MACROD2: variants seen among roughly 807,000 people sequenced by gnomAD.
The protein encoded by MACROD2 is ADP-ribose glycohydrolase MACROD2.
MACROD2 carries 36 observed loss-of-function variants against 70.4 expected under a neutral mutation model. That is an observed-to-expected ratio of 0.51 (90% confidence interval 0.39 to 0.68). MACROD2 has a LOEUF of 0.68. Ranked by LOEUF, MACROD2 falls within the 30% of genes least tolerant of loss-of-function variation. The pLI, the probability that MACROD2 is intolerant of heterozygous loss-of-function variation, is 0.00. For synonymous variants in MACROD2, 172 were observed against 178.8 expected (o/e 0.96, Z 0.30); for missense variants, 496 against 538.4 (o/e 0.92, Z 0.78).
In MACROD2 at chr20:16,044,565, T is replaced by C. The variant is rs771636560; in HGVS notation, c.1232-6T>C. 6.2e-7 allele frequency: 1 copy of C among 1,607,456 alleles called. No homozygotes were observed. The highest frequency in any genetic ancestry group is 8.5e-7 in the Non-Finnish European group (1 of 1,176,750). On this transcript the variant is annotated splice_polypyrimidine_tract_variant and splice_region_variant and intron_variant, in intron 16 of 17. Transcript: ENST00000684519. The stretch of plus-strand genomic sequence containing the variant: ...TATTTAACTTTTTTTTTTTTTCTGG[T>C]GACAGTTGAAATGAATAGTCAGGTT...
chr20:14,137,950 G>A (rs1028051654), intron 3 of MACROD2, among the ~76,000 whole-genome samples: 2 of 152,138 alleles, frequency 1.3e-5, no homozygotes, highest in African/African-American at 2.4e-5. Flanking sequence ...GATGGGCAAA[G>A]GACCTGAATA....
intron 5 of MACROD2, among the ~76,000 whole-genome samples, chr20:15,051,574 T>C (rs920187095): frequency 6.6e-6 from 1 of 152,050 alleles, no homozygotes; most frequent in Non-Finnish European, 1.5e-5. Flanking sequence ...TTCAGCTGAG[T>C]AGATGAGGCC....
intron 5 of MACROD2, among the ~76,000 whole-genome samples, chr20:15,202,724 A>G (rs1026125138): frequency 2.0e-5 from 3 of 152,192 alleles, no homozygotes; most frequent in African/African-American, 4.8e-5. Flanking sequence ...AAAACTTCCT[A>G]TAATTTGAAA....
intron 8 of MACROD2, among the ~76,000 whole-genome samples, chr20:15,536,797 T>G (rs2047880903): frequency 6.6e-6 from 1 of 152,196 alleles, no homozygotes; most frequent in South Asian, 2.1e-4. Context: ...AAGATATACT[T>G]CTCTTTTTAG....
At chr20:15,625,903 CAAAAA>C (rs11290779) in intron 8 of MACROD2, among the ~76,000 whole-genome samples, 3 of 75,644 alleles carry the variant, frequency 4.0e-5, no homozygotes, top group Admixed American at 1.7e-4. Context: ...TCCTTGGCCA[CAAAAA>C]AAAAAAAAAA....
chr20:14,701,158 T>C (rs1458747070), intron 5 of MACROD2, among the ~76,000 whole-genome samples: 2 of 152,122 alleles, frequency 1.3e-5, no homozygotes, highest in Non-Finnish European at 2.9e-5. Context: ...CAGAAATGAC[T>C]CAAAAGTGAT....
intron 3 of MACROD2, among the ~76,000 whole-genome samples, chr20:14,353,981 C>G (rs1050708740): frequency 9.2e-5 from 14 of 152,116 alleles, no homozygotes; most frequent in African/African-American, 3.4e-4. Flanking sequence ...GTCAAGTCGG[C>G]AATCTGCAGT....
At chr20:14,549,248 G>A (rs1978492737) in intron 4 of MACROD2, among the ~76,000 whole-genome samples, 1 of 152,102 alleles carries the variant, frequency 6.6e-6, no homozygotes, top group Admixed American at 6.5e-5. Context: ...ATATTTGGGG[G>A]GAGAGGAGGA....
At chr20:15,585,202 C>CTT (rs397865605) in intron 8 of MACROD2, among the ~76,000 whole-genome samples, 87 of 139,548 alleles carry the variant, frequency 6.2e-4, no homozygotes, top group Non-Finnish European at 6.8e-4. Flanking sequence ...TCTTTTTTTT[C>CTT]TTTTTTTTTT....
At chr20:14,004,414 G>A (rs775631249) in intron 2 of MACROD2, among the ~76,000 whole-genome samples, 2 of 152,164 alleles carry the variant, frequency 1.3e-5, no homozygotes, top group African/African-American at 2.4e-5. Context: ...GGGGAACAAG[G>A]TGATGTGATC....
At chr20:15,223,248 G>A (rs906985350) in intron 5 of MACROD2, among the ~76,000 whole-genome samples, 2 of 152,224 alleles carry the variant, frequency 1.3e-5, no homozygotes, top group Non-Finnish European at 2.9e-5. Flanking sequence ...CTGATTAAAT[G>A]TACAAATCGC....
Position 14,855,475 on chromosome 20 carries a change from A to G in MACROD2, c.418+170516A>G, listed in dbSNP as rs74832007. ...TTATCTCTGATCTGACAGCATCATA[A>G]TTTTCCACTGAATCTGTCCAAACAG... On this transcript the variant is annotated intron_variant, in intron 5 of 17. Transcript: ENST00000684519. 4.2e-3 allele frequency among the ~76,000 whole-genome samples: 641 copies of G among 152,156 alleles called. 9 individuals carry two copies. Among genetic ancestry groups the G allele is most frequent in the African/African-American group, 0.014 (597 of 41,506 alleles).
intron 5 of MACROD2, among the ~76,000 whole-genome samples, chr20:14,814,095 C>A (rs2072746375): frequency 6.6e-6 from 1 of 152,118 alleles, no homozygotes; most frequent in Non-Finnish European, 1.5e-5. Context: ...GTATACATCA[C>A]AATATCATAT....
At chr20:14,762,280 C>T (rs1363952895) in intron 5 of MACROD2, among the ~76,000 whole-genome samples, 1 of 152,106 alleles carries the variant, frequency 6.6e-6, no homozygotes, top group Non-Finnish European at 1.5e-5. Context: ...TCGAACTTAT[C>T]TCCTCTCAAG....
At chr20:15,353,115 A>G (rs1374661446) in intron 6 of MACROD2, among the ~76,000 whole-genome samples, 1 of 151,874 alleles carries the variant, frequency 6.6e-6, no homozygotes, top group Non-Finnish European at 1.5e-5. Flanking sequence ...CTACAAGGCT[A>G]CAGTAACCAA....
chr20:15,971,703 A>C (rs2066233374), intron 13 of MACROD2, among the ~76,000 whole-genome samples: 1 of 152,132 alleles, frequency 6.6e-6, no homozygotes, highest in African/African-American at 2.4e-5. Flanking sequence ...GACTCAGAGA[A>C]CAGACACTAA....
At chr20:14,205,326 A>AGG (rs2081514083) in intron 3 of MACROD2, among the ~76,000 whole-genome samples, 2 of 152,212 alleles carry the variant, frequency 1.3e-5, no homozygotes, top group Admixed American at 1.3e-4. Flanking sequence ...AGGAAGAAAT[A>AGG]GGCAAGTGGA....
chr20:15,378,999 G>A (rs900060216), intron 6 of MACROD2, among the ~76,000 whole-genome samples: 2 of 152,144 alleles, frequency 1.3e-5, no homozygotes, highest in Admixed American at 1.3e-4. Flanking sequence ...ATGCCTGGAA[G>A]TCAAAGGAAA....
intron 9 of MACROD2, among the ~76,000 whole-genome samples, chr20:15,867,653 A>G (rs1045147372): frequency 2.0e-5 from 3 of 152,208 alleles, no homozygotes; most frequent in Non-Finnish European, 4.4e-5. Flanking sequence ...TTAAAAAAAG[A>G]AAAGAAAAGA....
Sources: gnomAD v4.1 joint callset for allele counts (sites outside exome capture counted in the v4.1 genomes callset) on GRCh38, gnomAD v4.1.1 for gene constraint, MANE v1.5 for transcripts, NCBI Gene and HGNC (gene_info 2026-07-23, HGNC 2026-07-21) for gene names.